ZNF676: variants seen among roughly 807,000 people sequenced by gnomAD.
ZNF676 encodes zinc finger protein 676.
In ZNF676, 4 loss-of-function variants were observed where a neutral mutation model predicts 6.0. The observed-to-expected ratio is 0.67, with a 90% CI of 0.33 to 1.53. ZNF676 has a LOEUF of 1.53. ZNF676 is among the 40% of genes most tolerant of loss of function. The pLI is 0.06. For missense variants in ZNF676, 644 were observed against 679.7 expected, an observed-to-expected ratio of 0.95 and a Z score of 0.58; for synonymous variants, 198 against 223.1, an observed-to-expected ratio of 0.89 and a Z score of 1.00.
At chr19:22,216,554 C>G (rs2024192364), upstream of ZNF676, among the ~76,000 whole-genome samples, 1 of 152,096 alleles carries the variant, frequency 6.6e-6, no homozygotes, top group African/African-American at 2.4e-5. Flanking sequence ...TTTGAACACT[C>G]TAGATGTTCA....
chr19:22,228,322 C>T, the ZNF676 span, among the ~76,000 whole-genome samples: 2 of 152,166 alleles, frequency 1.3e-5, no homozygotes, highest in Non-Finnish European at 2.9e-5. Flanking sequence ...ATGCTAAAAA[C>T]TCTCAATAAA....
the ZNF676 span, among the ~76,000 whole-genome samples, chr19:22,258,008 G>A: frequency 6.6e-6 from 1 of 152,156 alleles, no homozygotes; most frequent in African/African-American, 2.4e-5. Context: ...ATTGTGGACA[G>A]GACTGAAAAA....
upstream of ZNF676, among the ~76,000 whole-genome samples, chr19:22,216,808 A>T (rs1293489898): frequency 6.6e-6 from 1 of 151,166 alleles, no homozygotes; most frequent in African/African-American, 2.4e-5. Flanking sequence ...TGGTAGCCTC[A>T]CCCTGTAGTA....
the ZNF676 span, among the ~76,000 whole-genome samples, chr19:22,233,974 G>T: frequency 1.3e-5 from 2 of 152,174 alleles, no homozygotes; most frequent in African/African-American, 4.8e-5. Flanking sequence ...AAATTTCTTT[G>T]TCACCAATTT....
chr19:22,235,814 C>T, the ZNF676 span, among the ~76,000 whole-genome samples: 1 of 152,006 alleles, frequency 6.6e-6, no homozygotes, highest in East Asian at 1.9e-4. Context: ...GTATTGCTGG[C>T]CTTGCCAGCT....
chr19:22,194,764 AAAC>A (rs2144766657), intron 1 of ZNF676, among the ~76,000 whole-genome samples: 1 of 152,232 alleles, frequency 6.6e-6, no homozygotes, highest in African/African-American at 2.4e-5. Flanking sequence ...CAGTCCCCTC[AAAC>A]AATGACGGCA....
the ZNF676 span, among the ~76,000 whole-genome samples, chr19:22,246,908 A>G: frequency 6.6e-6 from 1 of 152,226 alleles, no homozygotes; most frequent in Non-Finnish European, 1.5e-5. Flanking sequence ...TGCTCTGCCT[A>G]TGGAGCAGCT....
At chr19:22,209,689 C>T (rs969829668) in intron 1 of ZNF676, among the ~76,000 whole-genome samples, 2 of 152,098 alleles carry the variant, frequency 1.3e-5, no homozygotes, top group African/African-American at 4.8e-5. Context: ...GGAGAGAGTG[C>T]AATGCAGGTG....
At chr19:22,220,117 C>T (rs185620366), upstream of ZNF676, among the ~76,000 whole-genome samples, 1 of 152,268 alleles carries the variant, frequency 6.6e-6, no homozygotes, top group Admixed American at 6.5e-5. Context: ...TGGTGTATAA[C>T]ATGTATTGAC....
At chr19:22,219,288 G>A (rs2024225326), upstream of ZNF676, among the ~76,000 whole-genome samples, 2 of 151,746 alleles carry the variant, frequency 1.3e-5, no homozygotes, top group South Asian at 4.2e-4. Context: ...TAGTAGAGAT[G>A]GGGTTTTACC....
chr19:22,210,721 T>G (rs956660850), intron 1 of ZNF676, among the ~76,000 whole-genome samples: 2 of 152,176 alleles, frequency 1.3e-5, no homozygotes, highest in Non-Finnish European at 2.9e-5. Context: ...ATATTTTCTT[T>G]TCTCGTTAAA....
the ZNF676 span, among the ~76,000 whole-genome samples, chr19:22,235,728 G>A: frequency 2.0e-5 from 3 of 152,298 alleles, no homozygotes; most frequent in Admixed American, 2.0e-4. Flanking sequence ...AGCAAAAAGC[G>A]ATAGAGGTCT....
At chr19:22,224,348 G>T in the ZNF676 span, among the ~76,000 whole-genome samples, 2 of 151,756 alleles carry the variant, frequency 1.3e-5, no homozygotes, top group Non-Finnish European at 2.9e-5. Context: ...TCAATGTGGG[G>T]TTTAATTGAG....
At position 22,181,316 on chromosome 19, in the gene ZNF676, C is replaced by T. The variant is rs911738136; in HGVS notation, c.401G>A (p.Arg134Lys). The change falls in exon 3 of 3, where the codon AGG (arginine) becomes AAG (lysine). Residue 134 changes from arginine to lysine, a missense_variant. Arg to Lys is a conservative substitution (Grantham distance 26). Around this residue, in one of 5 missense-constraint regions of ZNF676, gnomAD observed 280 missense variants for 269.3 expected, o/e 1.04. Transcript: ENST00000397121. Reference protein sequence around the residue: ...KCSNSNRHKIRHTGEKGLKCK... With the variant: ...KCSNSNRHKIKHTGEKGLKCK... ...TTTCAAACCTTTCTCTCCAGTATGC[C>T]TTATCTTATGTCTGTTTGAATTTGA... is the stretch of plus-strand genomic sequence containing the variant. 1 of 1,613,538 alleles carries T rather than the reference C, an allele frequency of 6.2e-7. No homozygotes were observed. The highest frequency in any genetic ancestry group is 8.5e-7 in the Non-Finnish European group (1 of 1,179,766).
At chr19:22,249,085 T>A in the ZNF676 span, among the ~76,000 whole-genome samples, 3 of 152,208 alleles carry the variant, frequency 2.0e-5, no homozygotes, top group African/African-American at 7.2e-5. Context: ...AAATAATAAA[T>A]GCTTAAGTCT....
upstream of ZNF676, among the ~76,000 whole-genome samples, chr19:22,199,446 A>G (rs2024002650): frequency 6.6e-6 from 1 of 152,224 alleles, no homozygotes; most frequent in Admixed American, 6.5e-5. Flanking sequence ...CACATGTACT[A>G]ATGCAATGTT....
intron 1 of ZNF676, chr19:22,215,624 A>G: frequency 1.9e-6 from 3 of 1,610,778 alleles, no homozygotes; most frequent in Non-Finnish European, 2.5e-6. Context: ...CGGACCCGGC[A>G]CACTCACCAT....
chr19:22,244,656 C>A, the ZNF676 span: 8 of 152,310 alleles, frequency 5.3e-5, no homozygotes, highest in African/African-American at 1.9e-4. Context: ...GGGAAAAGAC[C>A]TGCCAGAAAA....
chr19:22,247,519 G>A, the ZNF676 span, among the ~76,000 whole-genome samples: 4 of 151,654 alleles, frequency 2.6e-5, no homozygotes, highest in South Asian at 2.1e-4. Flanking sequence ...AGCCAAGATC[G>A]TACCATTGCA....
Sources: gnomAD v4.1 joint callset for allele counts (sites outside exome capture counted in the v4.1 genomes callset) on GRCh38, gnomAD v4.1.1 for gene constraint, gnomAD v4.1.1 regional missense constraint, MANE v1.5 for transcripts, NCBI Gene and HGNC (gene_info 2026-07-23, HGNC 2026-07-21) for gene names.